PTCH1: variants seen among roughly 807,000 people sequenced by gnomAD.
PTCH1 encodes the protein patched 1.
PTCH1 carries 14 observed loss-of-function variants against 144.6 expected under a neutral mutation model. That is an observed-to-expected ratio of 0.10 (90% confidence interval 0.06 to 0.15). The LOEUF (loss-of-function observed/expected upper bound fraction) is 0.15. PTCH1 is among the 10% of genes least tolerant of loss of function. The pLI is 1.00. For missense variants in PTCH1, 1,623 were observed against 1,948.3 expected (o/e 0.83, Z 3.14); for synonymous variants, 833 against 793.6 (o/e 1.05, Z -0.83).
At chr9:95,468,246 G>A (rs939526483) in intron 14 of PTCH1, among the ~76,000 whole-genome samples, 1 of 152,108 alleles carries the variant, frequency 6.6e-6, no homozygotes. Context: ...TTGTAGAGAT[G>A]GAGTTTCATC....
intron 2 of PTCH1, among the ~76,000 whole-genome samples, chr9:95,487,978 A>T (rs1298530028): frequency 6.6e-6 from 1 of 152,336 alleles, no homozygotes; most frequent in Non-Finnish European, 1.5e-5. Flanking sequence ...GCCTTGGCAG[A>T]GCAGCCGCCT....
At chr9:95,467,626 T>C (rs1200231975) in intron 14 of PTCH1, among the ~76,000 whole-genome samples, 3 of 152,212 alleles carry the variant, frequency 2.0e-5, no homozygotes, top group African/African-American at 7.2e-5. Context: ...TATAATTTTT[T>C]GAGACAGTCT....
At chr9:95,511,464 A>G (rs1844157463), upstream of PTCH1, among the ~76,000 whole-genome samples, 1 of 152,106 alleles carries the variant, frequency 6.6e-6, no homozygotes, top group Non-Finnish European at 1.5e-5. Flanking sequence ...GAAGAGAGGG[A>G]GACGGGGTGG....
chr9:95,447,128 G>A lies in PTCH1; in HGVS notation c.4128C>T (p.Ser1376=), dbSNP rs142148876. ...QPITTVTASA[S]VTVAVHPPPV... is the part of the protein sequence containing the mutation. ...GCGGCGGGTGCACGGCGACAGTCACGGAGGCAGAAGCCGTCACAGTGGTGA... is the reference window on the plus strand; with the variant it reads ...GCGGCGGGTGCACGGCGACAGTCACAGAGGCAGAAGCCGTCACAGTGGTGA... The change falls in exon 23 of 24, where the codon TCC becomes TCT. Residue 1376 remains serine (S), a synonymous_variant. Transcript: ENST00000331920. The A allele has an allele frequency of 9.4e-4, 1,522 of 1,613,274 alleles. 7 individuals are homozygous for A. The highest frequency in any genetic ancestry group is 5.5e-3 in the South Asian group (504 of 91,080).
intron 18 of PTCH1, 98 bp downstream of exon 18, chr9:95,457,915 T>TCC: frequency 1.3e-6 from 2 of 1,491,974 alleles, no homozygotes; most frequent in Non-Finnish European, 1.9e-6. Context: ...AGCTATACCC[T>TCC]CCTCCAGAGG....
intron 12 of PTCH1, among the ~76,000 whole-genome samples, chr9:95,472,101 AAC>A (rs200051377): frequency 0.035 from 5,304 of 149,844 alleles, 292 homozygotes; most frequent in African/African-American, 0.13. Flanking sequence ...CTGTGAAAAA[AAC>A]ACAGAGTGTG....
chr9:95,450,118 C>T (rs971068372), intron 20 of PTCH1, 178 bp from the exon 21 acceptor site: 1 of 669,198 alleles, frequency 1.5e-6, no homozygotes, highest in Non-Finnish European at 2.7e-6. Context: ...CTTTTTGTTT[C>T]TTTACCTTAT....
intron 2 of PTCH1, among the ~76,000 whole-genome samples, chr9:95,488,845 A>G (rs952750190): frequency 6.6e-6 from 1 of 152,218 alleles, no homozygotes; most frequent in Non-Finnish European, 1.5e-5. Context: ...GGAAGACCTA[A>G]AGGGAAACAA....
At chr9:95,515,518 C>G (rs1054328364) in intron 1 of PTCH1, among the ~76,000 whole-genome samples, 1 of 152,198 alleles carries the variant, frequency 6.6e-6, no homozygotes, top group African/African-American at 2.4e-5. Flanking sequence ...ACGCTAGCAT[C>G]ATTTTAAACA....
At chr9:95,446,465 C>T in intron 23 of PTCH1, 74 bp from the exon 24 acceptor site, 1 of 508,660 alleles carries the variant, frequency 2.0e-6, no homozygotes, top group Non-Finnish European at 3.9e-6. Context: ...AGTACAAAAG[C>T]AGGCAGCAGT....
intron 2 of PTCH1, among the ~76,000 whole-genome samples, chr9:95,492,984 A>C (rs1842532733): frequency 6.6e-6 from 1 of 152,152 alleles, no homozygotes; most frequent in South Asian, 2.1e-4. Flanking sequence ...CAGAAATCCA[A>C]GGCTTAAGCC....
chr9:95,468,395 G>C (rs1840229294), intron 14 of PTCH1, among the ~76,000 whole-genome samples: 1 of 152,070 alleles, frequency 6.6e-6, no homozygotes, highest in South Asian at 2.1e-4. Flanking sequence ...GACAGGGTTG[G>C]CCTTTGTTGC....
At chr9:95,484,691 T>C (rs1388419818) in intron 3 of PTCH1, among the ~76,000 whole-genome samples, 2 of 151,978 alleles carry the variant, frequency 1.3e-5, no homozygotes, top group African/African-American at 4.8e-5. Context: ...CCCCTGGAAA[T>C]GGGGTTTAGT....
chr9:95,479,123 G>A lies in PTCH1; in HGVS notation c.1092C>T (p.Phe364=). ...LVSAHALQTM[F]QLMTPKQMYE... The stretch of plus-strand genomic sequence containing the variant: ...ACATTTGCTTGGGAGTCATTAACTG[G>A]AACATGGTCTGCAGGGCATGGGCGC... The change falls in exon 8 of 24, where the codon TTC becomes TTT. Residue 364 remains phenylalanine, a synonymous_variant. Coordinates refer to ENST00000331920, the MANE Select transcript of PTCH1 (RefSeq NM_000264.5). 1.2e-6 allele frequency: 2 copies of A among 1,614,054 alleles called. No homozygotes were observed. The highest frequency in any genetic ancestry group is 2.2e-5 in the South Asian group (2 of 91,078).
At chr9:95,486,907 C>T (rs574131517) in intron 2 of PTCH1, among the ~76,000 whole-genome samples, 21 of 152,274 alleles carry the variant, frequency 1.4e-4, no homozygotes, top group African/African-American at 4.6e-4. Context: ...GCAAAGGAAG[C>T]GGGTCTGAAT....
At chr9:95,486,537 C>T (rs1426998205) in intron 2 of PTCH1, among the ~76,000 whole-genome samples, 1 of 152,262 alleles carries the variant, frequency 6.6e-6, no homozygotes. Context: ...GTGCCAGGTT[C>T]TCAGTCAGCT....
intron 12 of PTCH1, among the ~76,000 whole-genome samples, chr9:95,470,401 C>A (rs771735262): frequency 1.3e-5 from 2 of 152,142 alleles, no homozygotes; most frequent in Non-Finnish European, 2.9e-5. Flanking sequence ...TACAATTTCA[C>A]ACGTGTCCCC....
rs1356231878 is a variant in PTCH1, at chr9:95,459,685, A to G, written c.2802T>C (p.Tyr934=). The change falls in exon 17 of 24, where the codon TAT becomes TAC. Residue 934 remains tyrosine, a synonymous_variant. Coordinates refer to ENST00000331920, the MANE Select transcript of PTCH1 (RefSeq NM_000264.5). ...GCCGGATGTTGGCCTGGGAGGCAGC[A>G]TACGCGACGGGGTCGTTGCTGACCC... The part of the protein sequence containing the change: ...TAWVSNDPVA[Y]AASQANIRPH... The G allele has an allele frequency of 1.2e-6, 2 of 1,614,224 alleles. No homozygotes were observed. Among genetic ancestry groups the G allele is most frequent in the Admixed American group, 3.3e-5 (2 of 60,028 alleles).
At chr9:95,516,214 G>A (rs1447545327) in intron 1 of PTCH1, among the ~76,000 whole-genome samples, 2 of 149,896 alleles carry the variant, frequency 1.3e-5, no homozygotes, top group Non-Finnish European at 3.0e-5. Context: ...CGCCACGCGG[G>A]GCTGGCCTCG....
Sources: gnomAD v4.1 joint callset for allele counts (sites outside exome capture counted in the v4.1 genomes callset) on GRCh38, gnomAD v4.1.1 for gene constraint, MANE v1.5 for transcripts, NCBI Gene and HGNC (gene_info 2026-07-23, HGNC 2026-07-21) for gene names.